The following NRXN3 variants were observed in gnomAD, a reference collection of about 807,000 sequenced individuals.
NRXN3 encodes the protein neurexin 3.
NRXN3 carries 32 observed loss-of-function variants against 137.6 expected under a neutral mutation model. The ratio of observed to expected loss-of-function variants is 0.23; its 90% confidence interval spans 0.18 to 0.31. NRXN3 has a LOEUF of 0.31. NRXN3 is among the 10% of genes least tolerant of loss of function. The pLI, the probability that NRXN3 is intolerant of heterozygous loss-of-function variation, is 1.00. For missense variants in NRXN3, 1,574 were observed against 2,062.5 expected (o/e 0.76, Z 4.59); for synonymous variants, 798 against 784.5 (o/e 1.02, Z -0.29).
chr14:78,910,898 C>CTTT (rs2099235449), intron 10 of NRXN3, among the ~76,000 whole-genome samples: 3 of 152,050 alleles, frequency 2.0e-5, no homozygotes, highest in South Asian at 4.1e-4. Context: ...ATGACTTTTT[C>CTTT]TTTTTAACTT....
chr14:78,452,909 AT>A (rs2094584875), intron 4 of NRXN3, among the ~76,000 whole-genome samples: 1 of 152,236 alleles, frequency 6.6e-6, no homozygotes, highest in Non-Finnish European at 1.5e-5. Context: ...TAGAAAAAAA[AT>A]AAGTGGCTAC....
chr14:78,743,590 G>T (rs1030002043), intron 8 of NRXN3, among the ~76,000 whole-genome samples: 1 of 152,102 alleles, frequency 6.6e-6, no homozygotes, highest in African/African-American at 2.4e-5. Flanking sequence ...ATGCCCAAAA[G>T]ATAACTCTTA....
chr14:78,847,366 A>G (rs1342372834), intron 10 of NRXN3, among the ~76,000 whole-genome samples: 1 of 152,128 alleles, frequency 6.6e-6, no homozygotes, highest in Non-Finnish European at 1.5e-5. Context: ...GTCAAAATGG[A>G]CTCAAATTGC....
At chr14:79,078,271 C>G (rs1001381266) in intron 15 of NRXN3, among the ~76,000 whole-genome samples, 1 of 152,104 alleles carries the variant, frequency 6.6e-6, no homozygotes, top group African/African-American at 2.4e-5. Context: ...GTCAAAGTAG[C>G]TCACAAGATA....
intron 15 of NRXN3, among the ~76,000 whole-genome samples, chr14:79,055,630 A>G (rs1026784166): frequency 1.3e-4 from 20 of 152,346 alleles, no homozygotes; most frequent in African/African-American, 4.6e-4. Context: ...GCAAGAGAGC[A>G]GTATATATAT....
intron 4 of NRXN3, among the ~76,000 whole-genome samples, chr14:78,607,036 A>G (rs1003250871): frequency 1.3e-5 from 2 of 152,068 alleles, no homozygotes; most frequent in African/African-American, 4.8e-5. Flanking sequence ...CATGCTCATA[A>G]TTTCTATGAT....
At chr14:78,283,633 C>T (rs770116683) in intron 3 of NRXN3, among the ~76,000 whole-genome samples, 4 of 152,014 alleles carry the variant, frequency 2.6e-5, no homozygotes, top group South Asian at 4.2e-4. Context: ...CTCAGCCTCT[C>T]GAGTAGCGAG....
intron 10 of NRXN3, among the ~76,000 whole-genome samples, chr14:78,813,521 T>C (rs534765462): frequency 3.5e-4 from 54 of 152,302 alleles, no homozygotes; most frequent in African/African-American, 1.3e-3. Flanking sequence ...CTTCTTTTTT[T>C]TTTCCCCCTT....
chr14:79,602,690 A>C (rs2097940506), intron 16 of NRXN3, among the ~76,000 whole-genome samples: 1 of 152,064 alleles, frequency 6.6e-6, no homozygotes, highest in Non-Finnish European at 1.5e-5. Context: ...AAAAGATCTA[A>C]CCAGTTCCTC....
intron 4 of NRXN3, among the ~76,000 whole-genome samples, chr14:78,585,275 AAGGACCTG>A (rs1406083515): frequency 6.6e-6 from 1 of 152,070 alleles, no homozygotes; most frequent in African/African-American, 2.4e-5. Context: ...AGCCAGTGCA[AAGGACCTG>A]AGGTGGGAAT....
chr14:79,698,035 TA>T, intron 19 of NRXN3, 98 bp downstream of exon 19: 1 of 1,101,610 alleles, frequency 9.1e-7, no homozygotes. Flanking sequence ...TTTGAATTAC[TA>T]TGTAAGAAGG....
chr14:78,241,566 G>A (rs2067082851), intron 1 of NRXN3, among the ~76,000 whole-genome samples: 1 of 151,858 alleles, frequency 6.6e-6, no homozygotes, highest in Admixed American at 6.6e-5. Context: ...GTTGCAGTGA[G>A]CCGAGCTCAC....
chr14:79,665,416 C>G (rs2098553211), intron 17 of NRXN3, among the ~76,000 whole-genome samples: 1 of 152,102 alleles, frequency 6.6e-6, no homozygotes, highest in South Asian at 2.1e-4. Flanking sequence ...TTAACAGCTT[C>G]TAGGAATTTT....
chr14:78,329,982 C>T (rs542372034), intron 4 of NRXN3, among the ~76,000 whole-genome samples: 1 of 152,236 alleles, frequency 6.6e-6, no homozygotes, highest in South Asian at 2.1e-4. Flanking sequence ...TTACGAGCAT[C>T]AAAACAGCAG....
At chr14:78,590,021 G>A (rs966652481) in intron 4 of NRXN3, among the ~76,000 whole-genome samples, 3 of 152,170 alleles carry the variant, frequency 2.0e-5, no homozygotes, top group Non-Finnish European at 4.4e-5. Context: ...CTGCTGCCAA[G>A]TGTCTCATCC....
At chr14:79,773,923 AG>A (rs1568204253) in intron 19 of NRXN3, among the ~76,000 whole-genome samples, 1 of 151,968 alleles carries the variant, frequency 6.6e-6, no homozygotes, top group African/African-American at 2.4e-5. Flanking sequence ...CCTAACATAA[AG>A]TAGTTGCTCA....
rs1274249238 is a variant in NRXN3 at position 78,243,169 on chromosome 14, C to G, written c.76C>G (p.Leu26Val). The change falls in exon 2 of 21, where the codon CTG (leucine) becomes GTG (valine). Residue 26 changes from leucine (L) to valine (V), a missense_variant. Leu to Val is a conservative substitution (Grantham distance 32). This residue lies in a region of NRXN3 where 400 missense variants were observed against 527.3 expected (regional missense o/e 0.76). Coordinates refer to ENST00000335750, the MANE Select transcript of NRXN3 (RefSeq NM_001330195.2). The surrounding 1 kb of genome is among the most constrained non-coding windows in gnomAD (Gnocchi z 4.2). Reference sequence around the variant, plus strand: ...GCTGGGGTCCCTGCTGGGGCTCTGCCTGGGCCTTGAGTTCATGGGCCTCCC... The same window carrying G: ...GCTGGGGTCCCTGCTGGGGCTCTGCGTGGGCCTTGAGTTCATGGGCCTCCC... ...ILLGSLLGLC[L>V]GLEFMGLPNQ... 6.5e-7 allele frequency: 1 copy of G among 1,545,178 alleles called. No individual in the cohort carries two copies. Among genetic ancestry groups the G allele is most frequent in the Admixed American group, 1.9e-5 (1 of 52,316 alleles).
intron 4 of NRXN3, among the ~76,000 whole-genome samples, chr14:78,448,486 G>T (rs1362886676): frequency 6.6e-6 from 1 of 152,202 alleles, no homozygotes; most frequent in Non-Finnish European, 1.5e-5. Context: ...AGAAGCAGGA[G>T]CTGCTAAAAC....
At chr14:78,372,676 C>T (rs2087081204) in intron 4 of NRXN3, among the ~76,000 whole-genome samples, 1 of 152,066 alleles carries the variant, frequency 6.6e-6, no homozygotes, top group Non-Finnish European at 1.5e-5. Context: ...TTTCTGACTC[C>T]ATCACTTGCA....
Sources: gnomAD v4.1 joint callset for allele counts (sites outside exome capture counted in the v4.1 genomes callset) on GRCh38, gnomAD v4.1.1 for gene constraint, gnomAD v4.1.1 regional missense constraint, Gnocchi (gnomAD v3.1) non-coding constraint, MANE v1.5 for transcripts, NCBI Gene and HGNC (gene_info 2026-07-23, HGNC 2026-07-21) for gene names.